EPB41L5: variants seen among roughly 807,000 people sequenced by gnomAD.
EPB41L5 encodes the protein band 4.1-like protein 5.
A neutral mutation model predicts 106.6 loss-of-function variants in EPB41L5; 55 were observed. The ratio of observed to expected loss-of-function variants is 0.52; its 90% CI spans 0.42 to 0.65. EPB41L5 has a LOEUF of 0.65. Ranked by LOEUF, EPB41L5 falls within the 30% of genes least tolerant of loss-of-function variation. EPB41L5 has a pLI of 0.00. For missense variants in EPB41L5, 871 were observed against 882.1 expected (o/e 0.99, Z 0.16); for synonymous variants, 297 against 306.7 (o/e 0.97, Z 0.33).
intron 3 of EPB41L5, among the ~76,000 whole-genome samples, chr2:120,059,870 A>C (rs949779686): frequency 2.0e-5 from 3 of 152,218 alleles, no homozygotes; most frequent in African/African-American, 7.2e-5. Flanking sequence ...GACAGAGCGA[A>C]ACCGTGTCTC....
rs35209141 is a variant in EPB41L5 at position 120,106,691 on chromosome 2, GT to G, written c.1337+5882del. On this transcript the variant is annotated intron_variant, in intron 16 of 24. Transcript: ENST00000263713. The stretch of plus-strand genomic sequence containing the variant: ...GAATTAGGTTGGTTACATTTTGACT[GT>G]TTTTACAGTCAAGGAAACTTGTAGA... 9.1e-6 allele frequency: 9 copies of G among 985,310 alleles called. No individual in the cohort carries two copies. In the South Asian group the frequency reaches 1.4e-4, roughly 15 times the overall value. The allele number at this position is 985,310 out of a possible 1,614,324, so 61.0% of individuals were successfully genotyped here.
At chr2:120,092,043 T>C (rs963455672) in intron 13 of EPB41L5, among the ~76,000 whole-genome samples, 1 of 151,706 alleles carries the variant, frequency 6.6e-6, no homozygotes, top group Non-Finnish European at 1.5e-5. Context: ...TTTATTTATT[T>C]ATTTTGAGAT....
intron 10 of EPB41L5, among the ~76,000 whole-genome samples, chr2:120,082,154 G>A (rs1327073186): frequency 4.6e-5 from 7 of 152,162 alleles, no homozygotes; most frequent in East Asian, 1.9e-4. Flanking sequence ...ATGTTGAATA[G>A]GAGTGGTGAG....
At chr2:120,091,263 G>A (rs62166880) in intron 12 of EPB41L5, among the ~76,000 whole-genome samples, 26,557 of 151,968 alleles carry the variant, frequency 0.17, 3,012 homozygotes, top group East Asian at 0.47. Flanking sequence ...AATGTAGATG[G>A]GAAAGAGAGG....
intron 10 of EPB41L5, among the ~76,000 whole-genome samples, chr2:120,086,769 G>T (rs1295923864): frequency 1.3e-5 from 2 of 152,116 alleles, no homozygotes; most frequent in Non-Finnish European, 2.9e-5. Context: ...GAAAACCATC[G>T]TCAGTGTTTT....
Sources: allele counts gnomAD v4.1 joint callset (sites outside exome capture counted in the v4.1 genomes callset), GRCh38; gene constraint gnomAD v4.1.1; transcripts MANE v1.5; gene names NCBI Gene and HGNC (gene_info 2026-07-23, HGNC 2026-07-21).